The following EXOC4 variants were observed in gnomAD, a reference collection of about 807,000 sequenced individuals.
The protein encoded by EXOC4 is SEC8-like 1.
Under a neutral mutation model 107.2 loss-of-function variants are expected in EXOC4, and 71 were observed. The observed-to-expected ratio is 0.66, with a 90% CI of 0.55 to 0.81. The LOEUF (loss-of-function observed/expected upper bound fraction) is 0.81. Among genes scored for constraint, EXOC4 ranks in the 30% least tolerant of loss-of-function variants. EXOC4 has a pLI of 0.00. For missense variants in EXOC4, 1,108 were observed against 1,189.6 expected, an observed-to-expected ratio of 0.93 and a Z score of 1.01; for synonymous variants, 456 against 441.2, an observed-to-expected ratio of 1.03 and a Z score of -0.42.
chr7:133,661,673 A>T (rs1562896778), intron 10 of EXOC4, among the ~76,000 whole-genome samples: 1 of 20,566 alleles, frequency 4.9e-5, no homozygotes. Flanking sequence ...CCTTAAAACT[A>T]AAAAAAAAAA....
chr7:134,047,515 AC>A (rs973344970), intron 17 of EXOC4, among the ~76,000 whole-genome samples: 4 of 151,998 alleles, frequency 2.6e-5, no homozygotes, highest in African/African-American at 9.7e-5. Flanking sequence ...CACTCCAGAC[AC>A]CCCCCAAAGG....
At chr7:133,699,453 C>CAAGGG (rs1562913731) in intron 10 of EXOC4, among the ~76,000 whole-genome samples, 1 of 152,054 alleles carries the variant, frequency 6.6e-6, no homozygotes, top group Non-Finnish European at 1.5e-5. Flanking sequence ...TCCAGAGAGG[C>CAAGGG]AAGGGAAGGT....
intron 9 of EXOC4, among the ~76,000 whole-genome samples, chr7:133,513,846 T>C (rs1799819454): frequency 6.6e-6 from 1 of 152,208 alleles, no homozygotes; most frequent in African/African-American, 2.4e-5. Context: ...TTGGTTATTA[T>C]GAAGATTCAT....
intron 9 of EXOC4, among the ~76,000 whole-genome samples, chr7:133,489,847 C>T (rs924563235): frequency 2.0e-5 from 3 of 152,136 alleles, no homozygotes; most frequent in African/African-American, 7.2e-5. Flanking sequence ...TCTCCCTTTC[C>T]TCCAAATTCA....
chr7:133,507,868 C>T (rs1799695133), intron 9 of EXOC4, among the ~76,000 whole-genome samples: 1 of 152,134 alleles, frequency 6.6e-6, no homozygotes, highest in East Asian at 1.9e-4. Flanking sequence ...TCAAAACCAG[C>T]TGTGCCAGCA....
At chr7:133,934,613 G>C (rs553656125) in intron 13 of EXOC4, among the ~76,000 whole-genome samples, 1 of 151,986 alleles carries the variant, frequency 6.6e-6, no homozygotes, top group African/African-American at 2.4e-5. Context: ...CTTAATTGTC[G>C]CATTCCACCT....
chr7:133,760,400 C>T (rs1039865192), intron 10 of EXOC4, among the ~76,000 whole-genome samples: 2 of 152,124 alleles, frequency 1.3e-5, no homozygotes, highest in Non-Finnish European at 2.9e-5. Flanking sequence ...TATTTTCCCC[C>T]AACAGAATGT....
chr7:133,808,358 T>C (rs1042483979), intron 10 of EXOC4, among the ~76,000 whole-genome samples: 1 of 152,178 alleles, frequency 6.6e-6, no homozygotes, highest in Non-Finnish European at 1.5e-5. Context: ...TCCACTGATT[T>C]ATGGTCTTAA....
chr7:133,417,271 CCAGT>C (rs1481101299), intron 7 of EXOC4, among the ~76,000 whole-genome samples: 1 of 151,932 alleles, frequency 6.6e-6, no homozygotes, highest in East Asian at 1.9e-4. Flanking sequence ...AGGTTCCTGC[CCAGT>C]CAAAAGAAAT....
chr7:133,466,767 A>G (rs999962107), intron 7 of EXOC4, among the ~76,000 whole-genome samples: 1 of 152,184 alleles, frequency 6.6e-6, no homozygotes, highest in Non-Finnish European at 1.5e-5. Context: ...ATGTTGAACA[A>G]AATATTAGCA....
chr7:133,361,991 T>C (rs1054540122), intron 6 of EXOC4, among the ~76,000 whole-genome samples: 3 of 152,206 alleles, frequency 2.0e-5, no homozygotes, highest in Admixed American at 6.5e-5. Context: ...AACATGTTTG[T>C]CTCATTGATT....
At chr7:133,349,252 A>G (rs1031028272) in intron 5 of EXOC4, among the ~76,000 whole-genome samples, 6 of 151,986 alleles carry the variant, frequency 3.9e-5, no homozygotes, top group South Asian at 4.2e-4. Context: ...ACCACCATCT[A>G]TTTCCATTAC....
At chr7:133,258,962 C>A (rs962334387) in intron 1 of EXOC4, among the ~76,000 whole-genome samples, 1 of 152,036 alleles carries the variant, frequency 6.6e-6, no homozygotes, top group African/African-American at 2.4e-5. Context: ...GGGCCCAATA[C>A]TCTGTTGAGA....
the EXOC4 span, among the ~76,000 whole-genome samples, chr7:134,099,645 C>T: frequency 6.6e-6 from 1 of 151,624 alleles, no homozygotes; most frequent in Non-Finnish European, 1.5e-5. Context: ...ATTCTCCTGC[C>T]TCAGCCTCCC....
intron 9 of EXOC4, among the ~76,000 whole-genome samples, chr7:133,552,912 A>C (rs1800619476): frequency 6.6e-6 from 1 of 152,194 alleles, no homozygotes; most frequent in Non-Finnish European, 1.5e-5. Context: ...TATTTGAATA[A>C]AATGAGTTTG....
intron 10 of EXOC4, among the ~76,000 whole-genome samples, chr7:133,708,927 C>A (rs1585093911): frequency 6.6e-6 from 1 of 152,314 alleles, no homozygotes; most frequent in African/African-American, 2.4e-5. Context: ...ATAGGAATCC[C>A]TTACCAAATG....
At chr7:133,557,009 G>A (rs1800703771) in intron 9 of EXOC4, among the ~76,000 whole-genome samples, 1 of 152,194 alleles carries the variant, frequency 6.6e-6, no homozygotes, top group Non-Finnish European at 1.5e-5. Context: ...TTATTAGGCA[G>A]ATAGAGGGTG....
At chr7:133,263,075 A>G (rs574401321) in intron 1 of EXOC4, among the ~76,000 whole-genome samples, 7 of 152,284 alleles carry the variant, frequency 4.6e-5, no homozygotes, top group African/African-American at 1.7e-4. Flanking sequence ...TTTGCTCCTC[A>G]TTCGCCTTCT....
At chr7:133,285,363 A>G (rs1486059218) in intron 2 of EXOC4, among the ~76,000 whole-genome samples, 1 of 152,184 alleles carries the variant, frequency 6.6e-6, no homozygotes. Context: ...GTTTGCTGAG[A>G]TATGGTGCAT....
Sources: gnomAD v4.1 joint callset for allele counts (sites outside exome capture counted in the v4.1 genomes callset) on GRCh38, gnomAD v4.1.1 for gene constraint, MANE v1.5 for transcripts, NCBI Gene and HGNC (gene_info 2026-07-23, HGNC 2026-07-21) for gene names.